Variants in VPS53 observed in about 807,000 individuals in gnomAD.
The protein encoded by VPS53 is VPS53 subunit of GARP complex.
Under a neutral mutation model 107.0 loss-of-function variants are expected in VPS53, and 70 were observed. The ratio of observed to expected loss-of-function variants is 0.65; its 90% CI spans 0.54 to 0.80. The LOEUF (loss-of-function observed/expected upper bound fraction) is 0.80. Among genes scored for constraint, VPS53 ranks in the 30% least tolerant of loss-of-function variants. The pLI is 0.00. For synonymous variants in VPS53, 409 were observed against 393.3 expected (o/e 1.04, Z -0.47); for missense variants, 917 against 1,049.4 (o/e 0.87, Z 1.74).
chr17:610,776 A>G (rs528125971), intron 11 of VPS53, among the ~76,000 whole-genome samples: 67 of 151,172 alleles, frequency 4.4e-4, no homozygotes, highest in African/African-American at 1.6e-3. Flanking sequence ...AAAAAATACA[A>G]AAAATACAAA....
intron 4 of VPS53, among the ~76,000 whole-genome samples, chr17:696,781 A>G: frequency 7.2e-6 from 1 of 139,544 alleles, no homozygotes. Flanking sequence ...ATCCAATAAG[A>G]CTTATAAAAC....
intron 13 of VPS53, among the ~76,000 whole-genome samples, chr17:567,770 T>C (rs1184692006): frequency 1.3e-5 from 2 of 151,970 alleles, no homozygotes; most frequent in Non-Finnish European, 2.9e-5. Context: ...GTGCTTGTAG[T>C]TACAGTTACT....
At chr17:623,446 T>C (rs1372542513) in intron 11 of VPS53, 87 bp downstream of exon 11, 2 of 1,481,318 alleles carry the variant, frequency 1.4e-6, no homozygotes, top group Non-Finnish European at 9.1e-7. Flanking sequence ...CCGAAGCCAA[T>C]GGATAGAGTC....
At chr17:551,633 CT>C (rs34842319) in intron 17 of VPS53, 3,346 of 264,290 alleles carry the variant, frequency 0.013, no homozygotes, top group East Asian at 0.019. Flanking sequence ...TACTTCGTCT[CT>C]TTTTTTTTTG....
chr17:688,594 C>T (rs1292975684), intron 4 of VPS53, among the ~76,000 whole-genome samples: 3 of 152,206 alleles, frequency 2.0e-5, no homozygotes, highest in Non-Finnish European at 4.4e-5. Flanking sequence ...CCCGCCTCAA[C>T]TACAACCAGT....
intron 17 of VPS53, among the ~76,000 whole-genome samples, chr17:547,223 T>C (rs946647226): frequency 3.9e-5 from 6 of 152,184 alleles, no homozygotes; most frequent in African/African-American, 1.2e-4. Context: ...ACACGAAAAA[T>C]TGTACATGAA....
rs1907784360 is a variant in VPS53, at chr17:509,305, C to CT, written c.*9822dup. The stretch of plus-strand genomic sequence containing the variant: ...CCACATATCAAATCCTGGCTGACCC[C>CT]TCACTAGGTACATATCGAATCCTGG... On this transcript the variant is annotated 3_prime_UTR_variant, in exon 22 of 22. Transcript: ENST00000437048. The CT allele has an allele frequency of 6.4e-6, 1 of 155,336 alleles. No homozygotes were observed. Among genetic ancestry groups the CT allele is most frequent in the Admixed American group, 6.6e-5 (1 of 15,230 alleles). 9.6% of individuals were successfully genotyped at this position (155,336 alleles called of 1,614,324 possible).
At position 685,429 on chromosome 17, in the gene VPS53, C is replaced by A. The variant is rs574217324; in HGVS notation, c.285+11989G>T. 3.0e-4 allele frequency among the ~76,000 whole-genome samples: 46 copies of A among 152,306 alleles called. No individual in the cohort carries two copies. In the South Asian group the frequency reaches 9.5e-3, roughly 32 times the overall value. ...AACCATACTTTGGGTACCCATACAACCACTCTGTTTTTCACTTTCTGTACA... is the reference window on the plus strand; with the variant it reads ...AACCATACTTTGGGTACCCATACAAACACTCTGTTTTTCACTTTCTGTACA... On this transcript the variant is annotated intron_variant, in intron 4 of 21. Transcript: ENST00000437048.
intron 19 of VPS53, among the ~76,000 whole-genome samples, chr17:531,114 C>T (rs1909503309): frequency 2.0e-5 from 3 of 152,352 alleles, no homozygotes; most frequent in Non-Finnish European, 4.4e-5. Flanking sequence ...GTTCTGCTGC[C>T]TGAGTGAACA....
At chr17:681,194 T>C (rs1426828138) in intron 4 of VPS53, among the ~76,000 whole-genome samples, 1 of 152,182 alleles carries the variant, frequency 6.6e-6, no homozygotes, top group African/African-American at 2.4e-5. Context: ...TGGAGTGCAG[T>C]GGTGCAATTT....
intron 2 of VPS53, among the ~76,000 whole-genome samples, chr17:705,419 T>A (rs1038821280): frequency 1.7e-5 from 2 of 115,772 alleles, no homozygotes; most frequent in African/African-American, 2.9e-5. Context: ...CAAGGCCCAG[T>A]CTGTAAAAAA....
chr17:585,458 A>G (rs969252712), intron 13 of VPS53, among the ~76,000 whole-genome samples: 2 of 152,138 alleles, frequency 1.3e-5, no homozygotes, highest in Non-Finnish European at 2.9e-5. Context: ...GGAGTTCCAG[A>G]CCAGCCTGGG....
At chr17:653,608 T>C (rs1233400321) in intron 6 of VPS53, among the ~76,000 whole-genome samples, 198 bp from the exon 7 acceptor site, 1 of 152,066 alleles carries the variant, frequency 6.6e-6, no homozygotes, top group East Asian at 1.9e-4. Context: ...TGACACCATA[T>C]AGTAAGGGAG....
At chr17:556,305 G>A (rs1167915617) in intron 15 of VPS53, among the ~76,000 whole-genome samples, 35 of 152,002 alleles carry the variant, frequency 2.3e-4, no homozygotes, top group Admixed American at 2.3e-3. Context: ...GAGCAACAAG[G>A]AATTGGAAAA....
chr17:639,843 G>A (rs1290383978), intron 7 of VPS53, among the ~76,000 whole-genome samples: 2 of 150,576 alleles, frequency 1.3e-5, no homozygotes, highest in East Asian at 3.9e-4. Context: ...GCTACTCGGG[G>A]GTCAGGGACC....
At chr17:576,411 C>T (rs1175912405) in intron 13 of VPS53, among the ~76,000 whole-genome samples, 1 of 151,438 alleles carries the variant, frequency 6.6e-6, no homozygotes, top group Non-Finnish European at 1.5e-5. Flanking sequence ...TGCCAGAGAA[C>T]CTCCCTCAGA....
At chr17:632,692 G>C in intron 7 of VPS53, 1 of 456,268 alleles carries the variant, frequency 2.2e-6, no homozygotes, top group Non-Finnish European at 4.4e-6. Flanking sequence ...CTGGGACCCA[G>C]CGTTCTACTC....
At chr17:553,718 G>A (rs1483632464) in intron 15 of VPS53, among the ~76,000 whole-genome samples, 1 of 151,742 alleles carries the variant, frequency 6.6e-6, no homozygotes, top group Non-Finnish European at 1.5e-5. Flanking sequence ...CTACAGGCGT[G>A]CGCTACCACA....
intron 19 of VPS53, among the ~76,000 whole-genome samples, chr17:528,295 TTC>T (rs1303440482): frequency 2.0e-5 from 3 of 152,156 alleles, no homozygotes; most frequent in African/African-American, 7.2e-5. Context: ...TTAATCCACT[TTC>T]TGTTTTACGG....
Sources: allele counts gnomAD v4.1 joint callset (sites outside exome capture counted in the v4.1 genomes callset), GRCh38; gene constraint gnomAD v4.1.1; transcripts MANE v1.5; gene names NCBI Gene and HGNC (gene_info 2026-07-23, HGNC 2026-07-21).